Variants in SLC16A5 observed in about 807,000 individuals in gnomAD.
SLC16A5 encodes monocarboxylate transporter 6.
In SLC16A5, 29 loss-of-function variants were observed where a neutral mutation model predicts 33.2. The observed-to-expected ratio is 0.87, with a 90% CI of 0.65 to 1.19. SLC16A5 has a LOEUF of 1.19. Among genes scored for constraint, SLC16A5 ranks in the 50% most tolerant of loss-of-function variants. The pLI is 0.00. For missense variants in SLC16A5, 606 were observed against 678.2 expected (o/e 0.89, Z 1.18); for synonymous variants, 248 against 284.1 (o/e 0.87, Z 1.28).
At chr17:75,094,298 A>G (rs1308951277) in intron 3 of SLC16A5, among the ~76,000 whole-genome samples, 2 of 152,170 alleles carry the variant, frequency 1.3e-5, no homozygotes, top group African/African-American at 4.8e-5. Context: ...AGGTGCTGGG[A>G]GCTGGGAAAT....
At chr17:75,090,543 C>T (rs2073624505) in intron 2 of SLC16A5, among the ~76,000 whole-genome samples, 1 of 151,332 alleles carries the variant, frequency 6.6e-6, no homozygotes, top group Non-Finnish European at 1.5e-5. Flanking sequence ...TCACCATAAC[C>T]TCCGCCTCCC....
intron 5 of SLC16A5, 72 bp from the exon 6 acceptor site, chr17:75,103,898 C>A: frequency 7.5e-7 from 1 of 1,334,414 alleles, no homozygotes; most frequent in Non-Finnish European, 1.1e-6. Flanking sequence ...AAAATACCTG[C>A]TGTCAGGGAA....
At chr17:75,090,748 C>T (rs1015527900) in intron 2 of SLC16A5, among the ~76,000 whole-genome samples, 4 of 152,060 alleles carry the variant, frequency 2.6e-5, no homozygotes, top group Non-Finnish European at 4.4e-5. Flanking sequence ...TGTGAGCCAC[C>T]GCACCCGGCC....
intron 5 of SLC16A5, among the ~76,000 whole-genome samples, chr17:75,103,183 C>T (rs1390559418): frequency 6.6e-6 from 1 of 151,932 alleles, no homozygotes; most frequent in East Asian, 1.9e-4. Flanking sequence ...GCCACCGCTC[C>T]CTGCCTTAGT....
downstream of SLC16A5, chr17:75,110,100 G>GTCCCATC: frequency 1.7e-6 from 1 of 592,648 alleles, no homozygotes. Flanking sequence ...CTGAGACCCC[G>GTCCCATC]TCCCATCTCC....
At chr17:75,098,458 C>T (rs867459080) in intron 4 of SLC16A5, among the ~76,000 whole-genome samples, 2 of 151,884 alleles carry the variant, frequency 1.3e-5, no homozygotes, top group African/African-American at 2.4e-5. Context: ...CCCAGCTACT[C>T]GAGGCTGAGG....
intron 3 of SLC16A5, among the ~76,000 whole-genome samples, chr17:75,097,804 A>G (rs968361379): frequency 1.3e-5 from 2 of 152,216 alleles, no homozygotes; most frequent in African/African-American, 4.8e-5. Flanking sequence ...AGGGTCAAAC[A>G]TCGCCCATTC....
chr17:75,108,106 GAAAA>G (rs937556114), downstream of SLC16A5, among the ~76,000 whole-genome samples: 25 of 151,972 alleles, frequency 1.6e-4, no homozygotes, highest in African/African-American at 4.1e-4. Flanking sequence ...ATCTCAAAAA[GAAAA>G]AAAGGGAGAA....
At chr17:75,104,512 C>A in intron 6 of SLC16A5, 1 of 1,030,346 alleles carries the variant, frequency 9.7e-7, no homozygotes, top group Non-Finnish European at 1.2e-6. Flanking sequence ...CTCTGCCTCC[C>A]AAGTTCAAGG....
chr17:75,093,559 C>T, intron 2 of SLC16A5, 30 bp from the exon 3 acceptor site: 1 of 1,550,684 alleles, frequency 6.4e-7, no homozygotes, highest in Non-Finnish European at 8.7e-7. Context: ...AGCCTGCTGA[C>T]CACCAGGCTC....
chr17:75,105,760 C>CA lies in SLC16A5; in HGVS notation c.1365-119dup, dbSNP rs1159300596. ...AACAGAGCTGGAGTACGTTTCCCCT[C>CA]ACCCTTCCTTTCCTCCTAGCTCAGC... On this transcript the variant is annotated intron_variant, in intron 6 of 6. Transcript: ENST00000329783. The CA allele has an allele frequency of 2.3e-5, 33 of 1,422,390 alleles. No individual in the cohort carries two copies. The African/African-American group carries it at 4.8e-4, about 20-fold the overall frequency. 88.1% of individuals were successfully genotyped at this position (1,422,390 alleles called of 1,614,324 possible).
Position 75,091,253 on chromosome 17 carries a change from C to T in SLC16A5, c.-49+1949C>T, listed in dbSNP as rs144440989. ...CTATGGAGCAGGGCTGGAACCTTGACATCGGGGCAACACAGAGGATCAGGT... is the reference window on the plus strand; with the variant it reads ...CTATGGAGCAGGGCTGGAACCTTGATATCGGGGCAACACAGAGGATCAGGT... On this transcript the variant is annotated intron_variant, in intron 2 of 6. Coordinates refer to ENST00000329783, the MANE Select transcript of SLC16A5 (RefSeq NM_004695.4). Among the ~76,000 whole-genome samples, 410 of 152,246 alleles carry T rather than the reference C, an allele frequency of 2.7e-3. 3 individuals are homozygous for T. Among genetic ancestry groups the T allele is most frequent in the East Asian group, 7.3e-3 (38 of 5,180 alleles).
intron 3 of SLC16A5, among the ~76,000 whole-genome samples, chr17:75,097,106 G>A (rs1179108880): frequency 2.6e-5 from 4 of 152,118 alleles, no homozygotes; most frequent in Middle Eastern, 3.4e-3. Flanking sequence ...GATTACAGGC[G>A]TGAGCCACCA....
chr17:75,099,510 C>T (rs937716842), intron 4 of SLC16A5, among the ~76,000 whole-genome samples: 9 of 152,134 alleles, frequency 5.9e-5, no homozygotes, highest in Non-Finnish European at 8.8e-5. Context: ...TCCACAACCT[C>T]AGCTCACTGC....
chr17:75,097,981 C>T, intron 3 of SLC16A5, 57 bp from the exon 4 acceptor site: 1 of 1,445,548 alleles, frequency 6.9e-7, no homozygotes, highest in East Asian at 2.5e-5. Context: ...AGCCACTCTC[C>T]TCCTCTCCCG....
At chr17:75,098,704 G>GTTTA (rs2073752009) in intron 4 of SLC16A5, among the ~76,000 whole-genome samples, 1 of 151,980 alleles carries the variant, frequency 6.6e-6, no homozygotes, top group Non-Finnish European at 1.5e-5. Context: ...TTGTTTGTTT[G>GTTTA]TTTGTTTGTT....
chr17:75,106,129 G>A lies in SLC16A5; in HGVS notation c.*96G>A, dbSNP rs2073860675. ...AAAAGTAGGAGGTTACTTTGTTAGAGCAAAATAATAAAATTTAATTTTAAA... is the reference window on the plus strand; with the variant it reads ...AAAAGTAGGAGGTTACTTTGTTAGAACAAAATAATAAAATTTAATTTTAAA... On this transcript the variant is annotated 3_prime_UTR_variant, in exon 7 of 7. Transcript: ENST00000329783. 1 of 533,620 alleles carries A rather than the reference G, an allele frequency of 1.9e-6. No homozygotes were observed. The highest frequency in any genetic ancestry group is 1.9e-5 in the African/African-American group (1 of 51,414). 33.1% of individuals were successfully genotyped at this position (533,620 alleles called of 1,614,324 possible). A position where few individuals can be genotyped will look rare whatever the true frequency, so the allele number is the denominator to read the frequency against.
intron 3 of SLC16A5, among the ~76,000 whole-genome samples, chr17:75,097,101 C>T (rs925470256): frequency 1.3e-5 from 2 of 152,168 alleles, no homozygotes; most frequent in African/African-American, 4.8e-5. Context: ...ACTGGGATTA[C>T]AGGCGTGAGC....
At chr17:75,098,659 C>A (rs112764397) in intron 4 of SLC16A5, among the ~76,000 whole-genome samples, 6,271 of 152,202 alleles carry the variant, frequency 0.041, 185 homozygotes, top group African/African-American at 0.087. Flanking sequence ...ACAGACTATA[C>A]CCAGAAGTGG....
Sources: gnomAD v4.1 joint callset for allele counts (sites outside exome capture counted in the v4.1 genomes callset) on GRCh38, gnomAD v4.1.1 for gene constraint, MANE v1.5 for transcripts, NCBI Gene and HGNC (gene_info 2026-07-23, HGNC 2026-07-21) for gene names.